HSD17B12: variants seen among roughly 807,000 people sequenced by gnomAD.
HSD17B12 encodes the protein very-long-chain 3-oxoacyl-CoA reductase.
In HSD17B12, 32 loss-of-function variants were observed where a neutral mutation model predicts 39.3. That is an observed-to-expected ratio of 0.81 (90% CI 0.61 to 1.09). The LOEUF is 1.09. Among genes scored for constraint, HSD17B12 ranks in the 50% least tolerant of loss-of-function variants. The pLI, the probability that HSD17B12 is intolerant of heterozygous loss-of-function variation, is 0.00. For synonymous variants in HSD17B12, 150 were observed against 146.7 expected (o/e 1.02, Z -0.16); for missense variants, 342 against 382.9 (o/e 0.89, Z 0.89).
At chr11:43,728,222 C>T (rs7929147) in intron 1 of HSD17B12, among the ~76,000 whole-genome samples, 1,786 of 152,058 alleles carry the variant, frequency 0.012, 19 homozygotes, top group East Asian at 0.046. Flanking sequence ...CCTGCAACCA[C>T]GCCCAGCTAA....
chr11:43,780,537 A>T (rs1294289067), intron 3 of HSD17B12, among the ~76,000 whole-genome samples: 1 of 152,198 alleles, frequency 6.6e-6, no homozygotes, highest in Non-Finnish European at 1.5e-5. Flanking sequence ...CATATGTTAC[A>T]TAAGCATACA....
In HSD17B12 at chr11:43,680,931, G is replaced by A; in HGVS notation, c.104G>A (p.Arg35Gln). 2 of 1,612,740 alleles carry A rather than the reference G, an allele frequency of 1.2e-6. No individual in the cohort carries two copies. The highest frequency in any genetic ancestry group is 1.7e-6 in the Non-Finnish European group (2 of 1,179,082). The change falls in exon 1 of 11, where the codon CGG becomes CAG. Residue 35 changes from arginine (R) to glutamine (Q), a missense_variant. By Grantham distance (43) the Arg-to-Gln change is conservative (BLOSUM62 1). Transcript: ENST00000278353. ...TCGTACTCGCTCTTCACGGCCCTCC[G>A]GGTCTGGGGAGTGGGGAATGAGGCG... Reference protein sequence around the residue: ...RISYSLFTALRVWGVGNEAGV... With the variant: ...RISYSLFTALQVWGVGNEAGV...
intron 3 of HSD17B12, among the ~76,000 whole-genome samples, chr11:43,790,503 CTG>C (rs1950857517): frequency 6.6e-6 from 1 of 152,186 alleles, no homozygotes; most frequent in Admixed American, 6.5e-5. Flanking sequence ...ATACTTGAAA[CTG>C]TGGATAGTGC....
At chr11:43,771,051 T>C (rs1950644219) in intron 3 of HSD17B12, among the ~76,000 whole-genome samples, 1 of 152,210 alleles carries the variant, frequency 6.6e-6, no homozygotes, top group African/African-American at 2.4e-5. Context: ...AGTGAGTGAT[T>C]AGAGAGGGAG....
intron 4 of HSD17B12, among the ~76,000 whole-genome samples, chr11:43,811,790 C>T (rs950567812): frequency 6.6e-6 from 1 of 152,096 alleles, no homozygotes; most frequent in Non-Finnish European, 1.5e-5. Context: ...AGTCACCCTA[C>T]TCTGCTATTG....
chr11:43,796,258 C>T (rs1055553576), intron 3 of HSD17B12, among the ~76,000 whole-genome samples: 5 of 151,570 alleles, frequency 3.3e-5, no homozygotes, highest in African/African-American at 7.3e-5. Flanking sequence ...GTCTGACCTA[C>T]GTTAAATAGG....
At chr11:43,591,065 A>C in the HSD17B12 span, among the ~76,000 whole-genome samples, 2 of 152,084 alleles carry the variant, frequency 1.3e-5, no homozygotes, top group Non-Finnish European at 1.5e-5. Context: ...ACCACATTTA[A>C]ATGAAATAAT....
the HSD17B12 span, among the ~76,000 whole-genome samples, chr11:43,573,799 A>T: frequency 5.9e-5 from 9 of 152,290 alleles, no homozygotes; most frequent in African/African-American, 2.2e-4. Context: ...CACATACCTA[A>T]TTTCATATCT....
chr11:43,588,935 T>A, the HSD17B12 span, among the ~76,000 whole-genome samples: 1 of 151,438 alleles, frequency 6.6e-6, no homozygotes, highest in East Asian at 1.9e-4. Flanking sequence ...TTAAAATCAA[T>A]TGAATTTAAT....
In HSD17B12 at chr11:43,754,082, A is replaced by G. The variant is rs1950488890; in HGVS notation, c.244A>G (p.Arg82Gly). ...TGGAATGAAGGTTGTCCTTATCAGC[A>G]GATCAAAGGATAAACTTGACCAGGT... ...KHGMKVVLIS[R>G]SKDKLDQVSS... is the part of the protein sequence containing the mutation. The change falls in exon 3 of 11, where the codon AGA becomes GGA. Residue 82 changes from arginine to glycine, a missense_variant. Transcript: ENST00000278353. The G allele has an allele frequency of 2.5e-6, 4 of 1,612,554 alleles. No individual in the cohort carries two copies. Among genetic ancestry groups the G allele is most frequent in the Non-Finnish European group, 2.5e-6 (3 of 1,179,138 alleles).
At chr11:43,717,804 CT>C (rs34501307) in intron 1 of HSD17B12, among the ~76,000 whole-genome samples, 40,818 of 129,816 alleles carry the variant, frequency 0.31, 5,116 homozygotes, top group African/African-American at 0.34. Flanking sequence ...TCTTCTTCTT[CT>C]TTTTTTTTTT....
chr11:43,595,996 G>T, the HSD17B12 span, among the ~76,000 whole-genome samples: 19,334 of 152,176 alleles, frequency 0.13, 1,477 homozygotes, highest in Middle Eastern at 0.26. Flanking sequence ...GATTTTGATA[G>T]CACTGATAGG....
chr11:43,674,404 C>T, the HSD17B12 span, among the ~76,000 whole-genome samples: 3 of 152,164 alleles, frequency 2.0e-5, no homozygotes, highest in Non-Finnish European at 4.4e-5. Context: ...TTGTGGAAGT[C>T]GCCATTTTTT....
intron 3 of HSD17B12, among the ~76,000 whole-genome samples, chr11:43,785,167 T>C (rs1345128601): frequency 2.0e-5 from 3 of 152,076 alleles, no homozygotes; most frequent in Non-Finnish European, 4.4e-5. Flanking sequence ...ACTTAAAGAC[T>C]CAGAATTGTT....
chr11:43,772,702 G>A (rs1249086438), intron 3 of HSD17B12, among the ~76,000 whole-genome samples: 1 of 152,134 alleles, frequency 6.6e-6, no homozygotes, highest in Admixed American at 6.5e-5. Flanking sequence ...CCATGGGAAT[G>A]GTTACTTTTT....
chr11:43,573,818 A>G, the HSD17B12 span, among the ~76,000 whole-genome samples: 1 of 152,194 alleles, frequency 6.6e-6, no homozygotes, highest in African/African-American at 2.4e-5. Flanking sequence ...CTAAAAACAT[A>G]CCTACTCTGT....
the HSD17B12 span, among the ~76,000 whole-genome samples, chr11:43,663,762 C>G: frequency 6.6e-6 from 1 of 152,214 alleles, no homozygotes; most frequent in African/African-American, 2.4e-5. Flanking sequence ...TGTTTACGTA[C>G]AGGGTGCCAA....
chr11:43,797,191 A>G (rs538554447), intron 3 of HSD17B12, among the ~76,000 whole-genome samples: 1 of 152,370 alleles, frequency 6.6e-6, no homozygotes, highest in African/African-American at 2.4e-5. Flanking sequence ...TCAAGAATAC[A>G]TACCTCCTAC....
chr11:43,680,583 T>G, upstream of HSD17B12: 3 of 502,780 alleles, frequency 6.0e-6, no homozygotes, highest in Non-Finnish European at 7.2e-6. Context: ...GGGGACGCGG[T>G]GATGGGAGGA....
Sources: allele counts gnomAD v4.1 joint callset (sites outside exome capture counted in the v4.1 genomes callset), GRCh38; gene constraint gnomAD v4.1.1; transcripts MANE v1.5; gene names NCBI Gene and HGNC (gene_info 2026-07-23, HGNC 2026-07-21).